ZNF24: variants seen among roughly 807,000 people sequenced by gnomAD.
ZNF24 encodes the protein zinc finger protein 24.
In ZNF24, 11 loss-of-function variants were observed where a neutral mutation model predicts 40.9. The observed-to-expected ratio is 0.27, with a 90% CI of 0.17 to 0.45. ZNF24 has a LOEUF of 0.45. ZNF24 is among the 20% of genes least tolerant of loss of function. The pLI, the probability that ZNF24 is intolerant of heterozygous loss-of-function variation, is 1.00. For missense variants in ZNF24, 293 were observed against 437.7 expected (o/e 0.67, Z 2.95); for synonymous variants, 139 against 154.7 (o/e 0.90, Z 0.75).
rs188417421 is a variant in ZNF24, at chr18:35,337,054, G to A, written c.*178C>T. Reference sequence around the variant, plus strand: ...AAAATTTCAGTTTCTAGGCAGGTATGACACCATTTCTTTCAAGATAAATAT... The same window carrying A: ...AAAATTTCAGTTTCTAGGCAGGTATAACACCATTTCTTTCAAGATAAATAT... On this transcript the variant is annotated 3_prime_UTR_variant, in exon 4 of 4. Transcript: ENST00000261332. The A allele has an allele frequency of 1.2e-5, 6 of 517,790 alleles. No homozygotes were observed. In the East Asian group the frequency reaches 1.3e-4, roughly 11 times the overall value. 32.1% of individuals were successfully genotyped at this position (517,790 alleles called of 1,614,324 possible). A position where few individuals can be genotyped will look rare whatever the true frequency, so the allele number is the denominator to read the frequency against.
At chr18:35,343,752 G>A (rs1187029875) in intron 1 of ZNF24, 1 of 152,316 alleles carries the variant, frequency 6.6e-6, no homozygotes, top group Non-Finnish European at 1.5e-5. Flanking sequence ...ACCGCTTGTG[G>A]GAAATGGAGG....
chr18:35,338,490 A>T, intron 3 of ZNF24: 2 of 985,578 alleles, frequency 2.0e-6, no homozygotes, highest in Non-Finnish European at 2.4e-6. Context: ...TGAATTACCA[A>T]CATGGGTTAG....
rs1399087625 is a variant in ZNF24, at chr18:35,336,430, C to A, written c.*802G>T. The A allele has an allele frequency of 6.6e-6, 1 of 152,090 alleles. No individual in the cohort carries two copies. The highest frequency in any genetic ancestry group is 2.4e-5 in the African/African-American group (1 of 41,410). The allele number at this position is 152,090 out of a possible 1,614,324, so 9.4% of individuals were successfully genotyped here. On this transcript the variant is annotated 3_prime_UTR_variant, in exon 4 of 4. Coordinates refer to ENST00000261332, the MANE Select transcript of ZNF24 (RefSeq NM_006965.4). ...CACTGCCATCCGCTACAAATTTTTC[C>A]CTAGTGTTATAATTTCTACCTTCAT...
intron 3 of ZNF24, chr18:35,338,148 T>C (rs2044929849): frequency 1.0e-6 from 1 of 985,362 alleles, no homozygotes; most frequent in African/African-American, 1.7e-5. Flanking sequence ...TAATGTTCTT[T>C]TACTTTGAGA....
rs2044872889 is a variant in ZNF24, at chr18:35,333,121, G to A, written c.*4111C>T. 6.6e-6 allele frequency: 1 copy of A among 151,984 alleles called. No individual in the cohort carries two copies. The highest frequency in any genetic ancestry group is 2.4e-5 in the African/African-American group (1 of 41,372). The allele number at this position is 151,984 out of a possible 1,614,324, so 9.4% of individuals were successfully genotyped here. On this transcript the variant is annotated 3_prime_UTR_variant, in exon 4 of 4. Coordinates refer to ENST00000261332, the MANE Select transcript of ZNF24 (RefSeq NM_006965.4). The stretch of plus-strand genomic sequence containing the variant: ...CCACCTTACTGGACTCCAGACTAAA[G>A]AAATATTCACACACATGCACAAAGA...
intron 3 of ZNF24, 143 bp from the exon 4 acceptor site, chr18:35,337,913 A>G: frequency 1.5e-6 from 1 of 659,550 alleles, no homozygotes; most frequent in Non-Finnish European, 2.3e-6. Context: ...CTATTCTCAA[A>G]AAAGAAAAAA....
At chr18:35,337,825 C>A (rs888478791) in intron 3 of ZNF24, 55 bp from the exon 4 acceptor site, 7 of 1,466,132 alleles carry the variant, frequency 4.8e-6, no homozygotes, top group South Asian at 1.5e-5. Flanking sequence ...GGAAAAGAAA[C>A]CTAAAAAAAA....
In ZNF24 at chr18:35,336,960, A is replaced by AT; in HGVS notation, c.*271dup. ...GGGACAATGAATCAGGTAGTTCATT[A>AT]TTTGGAGAAGTAATACAGACTATAA... is the stretch of plus-strand genomic sequence containing the variant. On this transcript the variant is annotated 3_prime_UTR_variant, in exon 4 of 4. Coordinates refer to ENST00000261332, the MANE Select transcript of ZNF24 (RefSeq NM_006965.4). 6.5e-6 allele frequency: 2 copies of AT among 306,448 alleles called. No homozygotes were observed. Among genetic ancestry groups the AT allele is most frequent in the Non-Finnish European group, 1.2e-5 (2 of 167,966 alleles). The allele number at this position is 306,448 out of a possible 1,614,324, so 19.0% of individuals were successfully genotyped here. A position where few individuals can be genotyped will look rare whatever the true frequency, so the allele number is the denominator to read the frequency against.
In ZNF24 at chr18:35,337,652, A is replaced by G. The variant is rs754242585; in HGVS notation, c.687T>C (p.Tyr229=). The change falls in exon 4 of 4, where the codon TAT becomes TAC. Residue 229 remains tyrosine, a synonymous_variant. Transcript: ENST00000261332. The stretch of plus-strand genomic sequence containing the variant: ...TGCCCTTGGGGAAACAGGTTTCTCC[A>G]TATTTAAAAATTTGAGGAACACCCA... The part of the protein sequence containing the change: ...LNMGVPQIFK[Y]GETCFPKGRF... 11 of 1,613,866 alleles carry G rather than the reference A, an allele frequency of 6.8e-6. No homozygotes were observed. The East Asian group carries it at 8.9e-5, about 13-fold the overall frequency.
chr18:35,336,639 C>T lies in ZNF24; in HGVS notation c.*593G>A, dbSNP rs1315331129. The T allele has an allele frequency of 2.6e-5, 4 of 152,140 alleles. No homozygotes were observed. Among genetic ancestry groups the T allele is most frequent in the Non-Finnish European group, 5.9e-5 (4 of 68,018 alleles). 9.4% of individuals were successfully genotyped at this position (152,140 alleles called of 1,614,324 possible). On this transcript the variant is annotated 3_prime_UTR_variant, in exon 4 of 4. Transcript: ENST00000261332. Reference sequence around the variant, plus strand: ...AGATCAAAGTATTTGCATATCTTCCCCAATCAAGGTGTTCCATTCACTTTT... The same window carrying T: ...AGATCAAAGTATTTGCATATCTTCCTCAATCAAGGTGTTCCATTCACTTTT...
At chr18:35,338,082 G>A in intron 3 of ZNF24, 5 of 755,336 alleles carry the variant, frequency 6.6e-6, no homozygotes, top group Non-Finnish European at 8.3e-6. Context: ...GGCTAGGTAT[G>A]GATGAAACTT....
At chr18:35,338,208 C>G (rs1312329267) in intron 3 of ZNF24, 14 of 986,008 alleles carry the variant, frequency 1.4e-5, no homozygotes, top group Non-Finnish European at 1.6e-5. Context: ...AAAAACATGT[C>G]AGAAAGTGGC....
At position 35,340,115 on chromosome 18, in the gene ZNF24, A is replaced by G; in HGVS notation, c.420+116T>C. ...CACAGATAACAAGGAGTGGTAGGGG[A>G]ATGGGGGAAAAGGCATAAACATAAT... is the stretch of plus-strand genomic sequence containing the variant. On this transcript the variant is annotated intron_variant, in intron 2 of 3. Transcript: ENST00000261332. The surrounding 1 kb of genome is among the most constrained non-coding windows in gnomAD (Gnocchi z 4.6). The G allele has an allele frequency of 6.7e-7, 1 of 1,488,496 alleles. No homozygotes were observed. Among genetic ancestry groups the G allele is most frequent in the South Asian group, 1.3e-5 (1 of 77,206 alleles). The allele number at this position is 1,488,496 out of a possible 1,614,324, so 92.2% of individuals were successfully genotyped here.
rs577525442 is a variant in ZNF24, at chr18:35,335,722, A to C, written c.*1510T>G. On this transcript the variant is annotated 3_prime_UTR_variant, in exon 4 of 4. Coordinates refer to ENST00000261332, the MANE Select transcript of ZNF24 (RefSeq NM_006965.4). ...AGGAGTATATAATCCTACTACTACA[A>C]TGTATTACTTTAATACATTTTAAAA... The C allele has an allele frequency of 6.6e-6, 1 of 152,196 alleles. No homozygotes were observed. Among genetic ancestry groups the C allele is most frequent in the Non-Finnish European group, 1.5e-5 (1 of 68,038 alleles). 9.4% of individuals were successfully genotyped at this position (152,196 alleles called of 1,614,324 possible).
chr18:35,340,525 C>G lies in ZNF24; in HGVS notation c.126G>C (p.Trp42Cys). 1 of 1,614,174 alleles carries G rather than the reference C, an allele frequency of 6.2e-7. No individual in the cohort carries two copies. Among genetic ancestry groups the G allele is most frequent in the Middle Eastern group, 1.6e-4 (1 of 6,062 alleles). Reference sequence around the variant, plus strand: ...AAATCTCTGGGTCTGGGAGATGGTTCCAGGGGATACTTGATCCCTCTTCGC... The same window carrying G: ...AAATCTCTGGGTCTGGGAGATGGTTGCAGGGGATACTTGATCCCTCTTCGC... ...PDGEEGSSIP[W>C]NHLPDPEIFR... Residue 42 changes from tryptophan to cysteine, a missense_variant, in exon 2 of 4, where the codon TGG becomes TGC. Trp to Cys is a radical substitution (Grantham distance 215). Transcript: ENST00000261332. This position sits in a 1 kb window ranked among gnomAD's most constrained non-coding sequence, Gnocchi z 4.6.
chr18:35,343,291 T>C (rs2044985999), intron 1 of ZNF24, among the ~76,000 whole-genome samples: 1 of 152,214 alleles, frequency 6.6e-6, no homozygotes, highest in Non-Finnish European at 1.5e-5. Context: ...GAAACTTCTA[T>C]TAAGAAAAGG....
chr18:35,338,863 T>G, intron 3 of ZNF24: 1 of 1,348,976 alleles, frequency 7.4e-7, no homozygotes, highest in Non-Finnish European at 9.5e-7. Flanking sequence ...GTTGAAAATA[T>G]CAGCCCCATA....
chr18:35,338,466 A>G, intron 3 of ZNF24: 9 of 985,488 alleles, frequency 9.1e-6, no homozygotes, highest in Admixed American at 6.1e-5. Flanking sequence ...AACGTGTCCA[A>G]TGAAAGAAAA....
At chr18:35,343,264 G>C (rs1437622870) in intron 1 of ZNF24, among the ~76,000 whole-genome samples, 1 of 152,096 alleles carries the variant, frequency 6.6e-6, no homozygotes, top group African/African-American at 2.4e-5. Flanking sequence ...TATTTATAAT[G>C]ATAGGCATTA....
Sources: allele counts gnomAD v4.1 joint callset (sites outside exome capture counted in the v4.1 genomes callset), GRCh38; gene constraint gnomAD v4.1.1; non-coding constraint Gnocchi (gnomAD v3.1); transcripts MANE v1.5; gene names NCBI Gene and HGNC (gene_info 2026-07-23, HGNC 2026-07-21).